The following CAND2 variants were observed in gnomAD, a reference collection of about 807,000 sequenced individuals.
CAND2 encodes the protein cullin associated and neddylation dissociated 2 (putative), also known as cullin-associated NEDD8-dissociated protein 2.
Under a neutral mutation model 98.9 loss-of-function variants are expected in CAND2, and 62 were observed. The observed-to-expected ratio is 0.63, with a 90% CI of 0.51 to 0.77. The LOEUF is 0.77. Among genes scored for constraint, CAND2 ranks in the 30% least tolerant of loss-of-function variants. The pLI, the probability that CAND2 is intolerant of heterozygous loss-of-function variation, is 0.00. For missense variants in CAND2, 1,501 were observed against 1,655.2 expected (o/e 0.91, Z 1.62); for synonymous variants, 770 against 731.9 (o/e 1.05, Z -0.84).
chr3:12,796,818 C>T, intron 1 of CAND2, 30 bp downstream of exon 1: 1 of 1,551,218 alleles, frequency 6.4e-7, no homozygotes, highest in Non-Finnish European at 8.8e-7. Flanking sequence ...CCCTTCTCTC[C>T]TTCCCGCTCT....
At chr3:12,829,860 A>G (rs542739536) in intron 13 of CAND2, among the ~76,000 whole-genome samples, 14 of 152,284 alleles carry the variant, frequency 9.2e-5, no homozygotes, top group African/African-American at 1.9e-4. Flanking sequence ...TTTTCAATAT[A>G]TATCAGTCCT....
chr3:12,805,017 G>A (rs185789649), intron 2 of CAND2, among the ~76,000 whole-genome samples: 26 of 152,258 alleles, frequency 1.7e-4, no homozygotes, highest in Non-Finnish European at 1.9e-4. Flanking sequence ...TTCCTATTAG[G>A]AAATGAAATT....
Position 12,827,463 on chromosome 3 carries a change from T to C in CAND2, c.3234T>C (p.His1078=), listed in dbSNP as rs1332903510. Residue 1078 remains histidine, a synonymous_variant, in exon 13 of 15, where the codon CAT becomes CAC. Transcript: ENST00000456430. The part of the protein sequence containing the change: ...IREVEMGPFK[H]TVDDGLDVRK... ...AGGTGGAGATGGGGCCCTTTAAACA[T>C]ACAGTGGACGATGGGCTGGACGTGC... is the stretch of plus-strand genomic sequence containing the variant. The C allele has an allele frequency of 3.7e-6, 6 of 1,613,772 alleles. No individual in the cohort carries two copies. Among genetic ancestry groups the C allele is most frequent in the South Asian group, 1.1e-5 (1 of 91,064 alleles).
At position 12,803,484 on chromosome 3, in the gene CAND2, G is replaced by A. The variant is rs2061781894; in HGVS notation, c.69-4G>A. On this transcript the variant is annotated splice_polypyrimidine_tract_variant and splice_region_variant and intron_variant, in intron 1 of 14. Coordinates refer to ENST00000456430, the MANE Select transcript of CAND2 (RefSeq NM_001162499.2). Reference sequence around the variant, plus strand: ...CAGCAATCTCCTCCACCCTCCCTGTGCAGGTTCATGGCCACCAGCGACCTG... The same window carrying A: ...CAGCAATCTCCTCCACCCTCCCTGTACAGGTTCATGGCCACCAGCGACCTG... The A allele has an allele frequency of 6.2e-7, 1 of 1,602,866 alleles. No individual in the cohort carries two copies. The highest frequency in any genetic ancestry group is 1.1e-5 in the South Asian group (1 of 88,594).
intron 11 of CAND2, among the ~76,000 whole-genome samples, chr3:12,820,711 G>A (rs1408191255): frequency 1.3e-5 from 2 of 152,194 alleles, no homozygotes; most frequent in East Asian, 1.9e-4. Context: ...ACCTCCCTCT[G>A]GGGCTCGGCA....
chr3:12,816,795 G>A lies in CAND2; in HGVS notation c.1863G>A (p.Leu621=). 6.2e-7 allele frequency: 1 copy of A among 1,613,640 alleles called. No individual in the cohort carries two copies. The highest frequency in any genetic ancestry group is 8.5e-7 in the Non-Finnish European group (1 of 1,180,044). Residue 621 remains leucine, a synonymous_variant, in exon 10 of 15, where the codon CTG becomes CTA. Transcript: ENST00000456430. ...EPTLLLLLDR[L]RNEITRLPAI... ...CGTTACTGCTCCTCCTGGACCGCCT[G>A]CGGAATGAGATCACCCGGCTGCCCG...
chr3:12,830,256 G>C (rs1432929991), intron 13 of CAND2, among the ~76,000 whole-genome samples: 1 of 152,216 alleles, frequency 6.6e-6, no homozygotes, highest in African/African-American at 2.4e-5. Flanking sequence ...CAAGATCTTG[G>C]TTGAGAAAGG....
chr3:12,825,755 C>A, intron 12 of CAND2, 116 bp downstream of exon 12: 3 of 1,116,908 alleles, frequency 2.7e-6, no homozygotes, highest in South Asian at 1.5e-5. Flanking sequence ...TGGCCTGGGT[C>A]AAGTCCTGCC....
chr3:12,818,158 A>T (rs73813589), intron 10 of CAND2, among the ~76,000 whole-genome samples: 3,541 of 151,890 alleles, frequency 0.023, 114 homozygotes, highest in African/African-American at 0.078. Flanking sequence ...GCATGGTGGC[A>T]CATGTCTGTA....
At chr3:12,828,546 T>C (rs2062024454) in intron 13 of CAND2, among the ~76,000 whole-genome samples, 1 of 152,098 alleles carries the variant, frequency 6.6e-6, no homozygotes, top group Non-Finnish European at 1.5e-5. Flanking sequence ...TTCACCATAT[T>C]GGCCAGGCTG....
At chr3:12,833,062 T>C (rs550358491) in intron 14 of CAND2, among the ~76,000 whole-genome samples, 33 of 152,174 alleles carry the variant, frequency 2.2e-4, no homozygotes, top group Non-Finnish European at 4.3e-4. Flanking sequence ...TCACAGCTCT[T>C]GGGGGCAGAG....
chr3:12,800,778 T>A (rs1391801768), intron 1 of CAND2, among the ~76,000 whole-genome samples: 3 of 151,576 alleles, frequency 2.0e-5, no homozygotes, highest in East Asian at 2.0e-4. Context: ...GCTGGAGTGC[T>A]GTGGCACGAT....
At chr3:12,799,878 G>C (rs2061753908) in intron 1 of CAND2, among the ~76,000 whole-genome samples, 1 of 152,154 alleles carries the variant, frequency 6.6e-6, no homozygotes, top group Admixed American at 6.5e-5. Context: ...TCATCCTTGA[G>C]CTGGGACATT....
intron 13 of CAND2, 22 bp downstream of exon 13, chr3:12,827,626 G>C (rs1455356720): frequency 6.3e-7 from 1 of 1,590,432 alleles, no homozygotes; most frequent in Non-Finnish European, 8.6e-7. Flanking sequence ...CCCCCTGCCA[G>C]ATCTATGTGC....
intron 3 of CAND2, among the ~76,000 whole-genome samples, chr3:12,807,868 AT>A (rs1268644221): frequency 6.6e-6 from 1 of 152,178 alleles, no homozygotes; most frequent in African/African-American, 2.4e-5. Flanking sequence ...ACTTCCACTT[AT>A]ATCTCACTGG....
chr3:12,828,184 TG>T (rs1385985148), intron 13 of CAND2, among the ~76,000 whole-genome samples: 1 of 152,158 alleles, frequency 6.6e-6, no homozygotes, highest in Non-Finnish European at 1.5e-5. Context: ...CTGGGGCTGG[TG>T]GAGACGTCGG....
chr3:12,814,389 C>G (rs1232931054), intron 7 of CAND2, among the ~76,000 whole-genome samples: 2 of 152,208 alleles, frequency 1.3e-5, no homozygotes, highest in East Asian at 3.8e-4. Context: ...GCTGTGTGCC[C>G]TGAGAGTCTC....
chr3:12,808,507 G>A (rs2061824781), intron 4 of CAND2, among the ~76,000 whole-genome samples, 174 bp downstream of exon 4: 1 of 152,244 alleles, frequency 6.6e-6, no homozygotes, highest in Admixed American at 6.5e-5. Flanking sequence ...GGCTCTGAGA[G>A]ATGATGCGGT....
rs1179963805 is a variant in CAND2 at position 12,816,682 on chromosome 3, G to A, written c.1750G>A (p.Asp584Asn). ...TLARLRATDL[D>N]QEVKERAISC... ...GGCGCGACTTCGTGCCACTGACCTG[G>A]ACCAGGAGGTGAAGGAGCGGGCCAT... The change falls in exon 10 of 15, where the codon GAC becomes AAC. Residue 584 changes from aspartate (D) to asparagine (N), a missense_variant. By Grantham distance (23) the Asp-to-Asn change is conservative. This residue lies in a region of CAND2 where 1,427 missense variants were observed against 1,545.3 expected (regional missense o/e 0.92). Coordinates refer to ENST00000456430, the MANE Select transcript of CAND2 (RefSeq NM_001162499.2). 5 of 1,613,650 alleles carry A rather than the reference G, an allele frequency of 3.1e-6. No homozygotes were observed. The African/African-American group carries it at 5.3e-5, about 17-fold the overall frequency.
Sources: allele counts gnomAD v4.1 joint callset (sites outside exome capture counted in the v4.1 genomes callset), GRCh38; gene constraint gnomAD v4.1.1; regional missense constraint gnomAD v4.1.1; transcripts MANE v1.5; gene names NCBI Gene and HGNC (gene_info 2026-07-23, HGNC 2026-07-21).